Variants in GABPB1 observed in about 807,000 individuals in gnomAD.
The protein encoded by GABPB1 is GA-binding protein subunit beta-1.
In GABPB1, 15 loss-of-function variants were observed where a neutral mutation model predicts 45.9. The observed-to-expected ratio is 0.33, with a 90% CI of 0.22 to 0.50. The LOEUF is 0.50. Among genes scored for constraint, GABPB1 ranks in the 20% least tolerant of loss-of-function variants. GABPB1 has a pLI of 0.98. For synonymous variants in GABPB1, 143 were observed against 154.4 expected, an observed-to-expected ratio of 0.93 and a Z score of 0.55; for missense variants, 252 against 457.5, an observed-to-expected ratio of 0.55 and a Z score of 4.10.
intron 1 of GABPB1, chr15:50,354,155 A>G (rs1475643589): frequency 6.4e-6 from 2 of 311,368 alleles, no homozygotes; most frequent in Admixed American, 9.7e-5. Context: ...AGCTTCACCG[A>G]AACACACTAA....
intron 6 of GABPB1, among the ~76,000 whole-genome samples, chr15:50,292,943 T>C (rs1262096593): frequency 1.3e-5 from 2 of 151,932 alleles, no homozygotes; most frequent in Non-Finnish European, 2.9e-5. Context: ...GTGAAAGTTA[T>C]ACAGGTTCAT....
intron 1 of GABPB1, among the ~76,000 whole-genome samples, chr15:50,319,710 G>A (rs1306878118): frequency 3.3e-5 from 5 of 152,020 alleles, no homozygotes; most frequent in African/African-American, 7.2e-5. Flanking sequence ...AGTGGCAGGC[G>A]CCTGTAATCC....
chr15:50,337,296 T>C (rs1044843815), intron 1 of GABPB1, among the ~76,000 whole-genome samples: 1 of 151,168 alleles, frequency 6.6e-6, no homozygotes, highest in African/African-American at 2.4e-5. Context: ...CTTTTCACTC[T>C]CACATAAACA....
At chr15:50,292,707 TG>T (rs2046389635) in intron 6 of GABPB1, among the ~76,000 whole-genome samples, 1 of 152,194 alleles carries the variant, frequency 6.6e-6, no homozygotes, top group Admixed American at 6.5e-5. Flanking sequence ...TTAATGTTGA[TG>T]TTTTTAGAAA....
Position 50,345,308 on chromosome 15 carries a change from T to A in GABPB1, c.-1+9677A>T, listed in dbSNP as rs187346124. Among the ~76,000 whole-genome samples the A allele has an allele frequency of 2.7e-3, 417 of 152,324 alleles. 4 individuals are homozygous for A. Among genetic ancestry groups the A allele is most frequent in the African/African-American group, 9.9e-3 (410 of 41,560 alleles). On this transcript the variant is annotated intron_variant, in intron 1 of 8. Coordinates refer to ENST00000380877, the MANE Select transcript of GABPB1 (RefSeq NM_016654.5). ...TGTCCTCTGAAGCGACAATCTGAATTATGCTATTCCAAAACTGCGTAAGTT... is the reference window on the plus strand; with the variant it reads ...TGTCCTCTGAAGCGACAATCTGAATAATGCTATTCCAAAACTGCGTAAGTT...
chr15:50,278,551 T>C lies in GABPB1; in HGVS notation c.*81A>G. The C allele has an allele frequency of 8.9e-7, 1 of 1,122,318 alleles. No individual in the cohort carries two copies. Among genetic ancestry groups the C allele is most frequent in the East Asian group, 2.5e-5 (1 of 40,320 alleles). The allele number at this position is 1,122,318 out of a possible 1,614,324, so 69.5% of individuals were successfully genotyped here. A position where few individuals can be genotyped will look rare whatever the true frequency, so the allele number is the denominator to read the frequency against. ...TCTCTTCTATCATTCTGTATTCCCA[T>C]GGCTGTACCTTTGTTGTGTACAGTT... is the stretch of plus-strand genomic sequence containing the variant. On this transcript the variant is annotated 3_prime_UTR_variant, in exon 9 of 9. Coordinates refer to ENST00000380877, the MANE Select transcript of GABPB1 (RefSeq NM_016654.5).
intron 1 of GABPB1, among the ~76,000 whole-genome samples, chr15:50,328,077 A>C (rs2047831206): frequency 2.0e-5 from 3 of 152,048 alleles, no homozygotes; most frequent in Admixed American, 1.3e-4. Context: ...GAAAAAATTA[A>C]ATTTTCATTA....
At position 50,339,042 on chromosome 15, in the gene GABPB1, C is replaced by T. The variant is rs568692038; in HGVS notation, c.-1+15943G>A. 8.6e-5 allele frequency among the ~76,000 whole-genome samples: 13 copies of T among 152,044 alleles called. No homozygotes were observed. In the South Asian group the frequency reaches 2.7e-3, roughly 32 times the overall value. On this transcript the variant is annotated intron_variant, in intron 1 of 8. Transcript: ENST00000380877. The stretch of plus-strand genomic sequence containing the variant: ...CAGCAGCTGGTTGTGGTGTTTCCCA[C>T]CTGTAATCCCAGCACTTTGGGAGGC...
At position 50,278,277 on chromosome 15, in the gene GABPB1, G is replaced by A. The variant is rs887867760; in HGVS notation, c.*355C>T. The A allele has an allele frequency of 5.1e-5, 8 of 158,104 alleles. No homozygotes were observed. The highest frequency in any genetic ancestry group is 3.7e-4 in the East Asian group (2 of 5,384). 9.8% of individuals were successfully genotyped at this position (158,104 alleles called of 1,614,324 possible). ...CACAACATTTGGCCTAACCAACAAC[G>A]ATCACCCTTAAAACTGTTCCGTTTC... On this transcript the variant is annotated 3_prime_UTR_variant, in exon 9 of 9. Coordinates refer to ENST00000380877, the MANE Select transcript of GABPB1 (RefSeq NM_016654.5).
In GABPB1 at chr15:50,275,641, A is replaced by G. The variant is rs935292807; in HGVS notation, c.*2991T>C. On this transcript the variant is annotated 3_prime_UTR_variant, in exon 9 of 9. Coordinates refer to ENST00000380877, the MANE Select transcript of GABPB1 (RefSeq NM_016654.5). ...TCTCTAATTGTCTTCCCAACCCTCC[A>G]CCACCATAAAGAAATAGAGCAATCC... The G allele has an allele frequency of 1.2e-4, 18 of 152,094 alleles. No individual in the cohort carries two copies. The highest frequency in any genetic ancestry group is 3.9e-4 in the African/African-American group (16 of 41,408). 9.4% of individuals were successfully genotyped at this position (152,094 alleles called of 1,614,324 possible).
chr15:50,337,129 A>ATATATATAT (rs1173961008), intron 1 of GABPB1, among the ~76,000 whole-genome samples: 129 of 10,492 alleles, frequency 0.012, 2 homozygotes, highest in African/African-American at 0.017. Context: ...ATATATATAT[A>ATATATATAT]ATATGAAGAG....
chr15:50,286,872 A>G (rs1040879944), intron 7 of GABPB1, among the ~76,000 whole-genome samples: 11 of 152,354 alleles, frequency 7.2e-5, no homozygotes, highest in African/African-American at 2.4e-4. Context: ...CATAAAAATG[A>G]CTGTGCAAGC....
chr15:50,283,382 T>C (rs1205509655), intron 8 of GABPB1, among the ~76,000 whole-genome samples: 1 of 152,148 alleles, frequency 6.6e-6, no homozygotes, highest in Non-Finnish European at 1.5e-5. Flanking sequence ...ATTTCCTATA[T>C]TGCCATATGC....
At chr15:50,304,233 G>A (rs771027713) in intron 2 of GABPB1, 100 bp from the exon 3 acceptor site, 2 of 954,442 alleles carry the variant, frequency 2.1e-6, no homozygotes, top group Non-Finnish European at 2.9e-6. Flanking sequence ...TGTTTACATA[G>A]CAACTCAAAA....
chr15:50,328,614 G>A (rs1328158511), intron 1 of GABPB1, among the ~76,000 whole-genome samples: 1 of 152,132 alleles, frequency 6.6e-6, no homozygotes, highest in Non-Finnish European at 1.5e-5. Context: ...ATAATAGCTA[G>A]GTTAGTGATA....
intron 6 of GABPB1, among the ~76,000 whole-genome samples, chr15:50,298,089 C>T (rs2046586970): frequency 6.6e-6 from 1 of 151,920 alleles, no homozygotes; most frequent in African/African-American, 2.4e-5. Context: ...TTTTTGTTTT[C>T]GTTTTTGTTT....
At chr15:50,281,374 G>A (rs1301142324) in intron 8 of GABPB1, among the ~76,000 whole-genome samples, 3 of 129,210 alleles carry the variant, frequency 2.3e-5, no homozygotes, top group African/African-American at 7.4e-5. Context: ...ACCATGCTCA[G>A]CTAATTTTTT....
chr15:50,352,787 C>G (rs2048895618), intron 1 of GABPB1: 1 of 152,334 alleles, frequency 6.6e-6, no homozygotes, highest in Non-Finnish European at 1.5e-5. Flanking sequence ...CAGATTCAGA[C>G]TACAGTTCAC....
chr15:50,304,245 T>G (rs1476757263), intron 2 of GABPB1, 112 bp from the exon 3 acceptor site: 1 of 734,278 alleles, frequency 1.4e-6, no homozygotes, highest in African/African-American at 1.8e-5. Context: ...AACTCAAAAC[T>G]CAAAAGAAAT....
Sources: allele counts gnomAD v4.1 joint callset (sites outside exome capture counted in the v4.1 genomes callset), GRCh38; gene constraint gnomAD v4.1.1; transcripts MANE v1.5; gene names NCBI Gene and HGNC (gene_info 2026-07-23, HGNC 2026-07-21).